The following PIKFYVE variants were observed in gnomAD, a reference collection of about 807,000 sequenced individuals.
PIKFYVE encodes 1-phosphatidylinositol 3-phosphate 5-kinase.
PIKFYVE carries 122 observed loss-of-function variants against 257.9 expected under a neutral mutation model. The observed-to-expected ratio is 0.47, with a 90% CI of 0.41 to 0.55. The LOEUF is 0.55. Among genes scored for constraint, PIKFYVE ranks in the 20% least tolerant of loss-of-function variants. The pLI is 0.00. For missense variants in PIKFYVE, 2,160 were observed against 2,536.6 expected (o/e 0.85, Z 3.19); for synonymous variants, 892 against 868.9 (o/e 1.03, Z -0.47).
chr2:208,279,983 C>T (rs1303322724), intron 5 of PIKFYVE, among the ~76,000 whole-genome samples: 1 of 152,204 alleles, frequency 6.6e-6, no homozygotes, highest in African/African-American at 2.4e-5. Context: ...GACAAGATTA[C>T]AGCTTTTAAA....
At chr2:208,328,692 G>A (rs577114093) in intron 21 of PIKFYVE, among the ~76,000 whole-genome samples, 108 of 152,236 alleles carry the variant, frequency 7.1e-4, no homozygotes, top group African/African-American at 1.8e-3. Context: ...CCTTGTACAC[G>A]TAGCCTGAAG....
rs753867180 is a variant in PIKFYVE, at chr2:208,301,061, A to G, written c.1175A>G (p.Asn392Ser). The stretch of plus-strand genomic sequence containing the variant: ...TGCATTGTAGGAAAGGAATTAGTCA[A>G]CTGGCTAATCCGAAATGGGCATATT... ...PNCIVGKELVNWLIRNGHIAT... is the reference protein window; with the variant it reads ...PNCIVGKELVSWLIRNGHIAT... The change falls in exon 9 of 42, where the codon AAC becomes AGC. Residue 392 changes from asparagine (N) to serine (S), a missense_variant. Coordinates refer to ENST00000264380, the MANE Select transcript of PIKFYVE (RefSeq NM_015040.4). 2.5e-6 allele frequency: 4 copies of G among 1,614,180 alleles called. No homozygotes were observed. Among genetic ancestry groups the G allele is most frequent in the Admixed American group, 3.3e-5 (2 of 60,032 alleles).
At chr2:208,337,122 AC>A (rs1447368892) in intron 28 of PIKFYVE, among the ~76,000 whole-genome samples, 194 bp downstream of exon 28, 1 of 152,186 alleles carries the variant, frequency 6.6e-6, no homozygotes, top group African/African-American at 2.4e-5. Flanking sequence ...TAAAATGATC[AC>A]TTATAATTTA....
intron 7 of PIKFYVE, among the ~76,000 whole-genome samples, chr2:208,292,041 CT>C (rs1421613860): frequency 6.6e-6 from 1 of 151,842 alleles, no homozygotes; most frequent in African/African-American, 2.4e-5. Context: ...TCTTTATATT[CT>C]TCTTTGACTC....
chr2:208,351,964 C>CA (rs556613626), intron 38 of PIKFYVE, among the ~76,000 whole-genome samples: 15 of 152,228 alleles, frequency 9.9e-5, no homozygotes, highest in African/African-American at 3.6e-4. Context: ...TGGCAGTTTT[C>CA]TCTGTGGTAA....
rs150593024 is a variant in PIKFYVE at position 208,338,529 on chromosome 2, C to G, written c.4633C>G (p.Pro1545Ala). Residue 1545 changes from proline (P) to alanine (A), a missense_variant, in exon 29 of 42, where the codon CCA becomes GCA. Pro to Ala is a conservative substitution (Grantham distance 27, BLOSUM62 -1). Coordinates refer to ENST00000264380, the MANE Select transcript of PIKFYVE (RefSeq NM_015040.4). The part of the protein sequence containing the change: ...ESKISAMDAS[P>A]RNISPGLQNG... ...ACAGATAAGTGCGATGGATGCATCT[C>G]CACGGAATATTTCTCCAGGACTTCA... is the stretch of plus-strand genomic sequence containing the variant. 7.7e-5 allele frequency: 124 copies of G among 1,613,366 alleles called. No homozygotes were observed. The African/African-American group carries it at 1.4e-3, about 18-fold the overall frequency.
intron 7 of PIKFYVE, among the ~76,000 whole-genome samples, chr2:208,291,182 C>T (rs1277806070): frequency 6.6e-6 from 1 of 151,976 alleles, no homozygotes; most frequent in Non-Finnish European, 1.5e-5. Flanking sequence ...TCCTCTATTC[C>T]TAGTTTACTG....
intron 17 of PIKFYVE, among the ~76,000 whole-genome samples, chr2:208,323,105 T>C (rs1559124006): frequency 6.6e-6 from 1 of 150,454 alleles, no homozygotes; most frequent in Non-Finnish European, 1.5e-5. Context: ...TATTTTTTAT[T>C]TTATTATTAT....
At chr2:208,312,741 C>A (rs1695066253) in intron 13 of PIKFYVE, among the ~76,000 whole-genome samples, 3 of 152,068 alleles carry the variant, frequency 2.0e-5, no homozygotes, top group Admixed American at 1.3e-4. Context: ...AGAACTAACT[C>A]TGATGATAAA....
intron 12 of PIKFYVE, among the ~76,000 whole-genome samples, chr2:208,308,398 C>G (rs1421140099): frequency 9.9e-5 from 2 of 20,178 alleles, no homozygotes; most frequent in Non-Finnish European, 4.8e-4. Context: ...GAGACTTTAT[C>G]TAAAAAAAAA....
In PIKFYVE at chr2:208,315,266, A is replaced by G. The variant is rs1695365768; in HGVS notation, c.1900A>G (p.Arg634Gly). Reference protein sequence around the residue: ...LHSDSLSSSWRDIIVSLVCQV... With the variant: ...LHSDSLSSSWGDIIVSLVCQV... ...TAGTGACTCACTGTCATCATCTTGG[A>G]GGGACATCATCGTGTCATTGGTCTG... Residue 634 changes from arginine to glycine, a missense_variant, in exon 15 of 42, where the codon AGG becomes GGG. Arg to Gly is a moderately radical substitution (Grantham distance 125). Coordinates refer to ENST00000264380, the MANE Select transcript of PIKFYVE (RefSeq NM_015040.4). 6.2e-7 allele frequency: 1 copy of G among 1,614,158 alleles called. No individual in the cohort carries two copies. The highest frequency in any genetic ancestry group is 8.5e-7 in the Non-Finnish European group (1 of 1,179,988).
At chr2:208,281,564 C>G (rs1690813582) in intron 5 of PIKFYVE, among the ~76,000 whole-genome samples, 1 of 152,136 alleles carries the variant, frequency 6.6e-6, no homozygotes, top group Non-Finnish European at 1.5e-5. Context: ...AGCTTGAGTT[C>G]CTTTATAGGT....
chr2:208,355,138 C>T, intron 41 of PIKFYVE, 52 bp from the exon 42 acceptor site: 4 of 1,394,034 alleles, frequency 2.9e-6, no homozygotes, highest in Non-Finnish European at 4.1e-6. Flanking sequence ...ACTTCAGTTG[C>T]CCAATCAATT....
chr2:208,304,219 T>C lies in PIKFYVE; in HGVS notation c.1369T>C (p.Ser457Pro), dbSNP rs1232547831. The change falls in exon 11 of 42, where the codon TCC (serine) becomes CCC (proline). Residue 457 changes from serine to proline, a missense_variant. By Grantham distance (74) the Ser-to-Pro change is moderately conservative. Coordinates refer to ENST00000264380, the MANE Select transcript of PIKFYVE (RefSeq NM_015040.4). ...TPSPDSDSVN[S>P]VEGHSEPSWF... ...TTCTCCCGACAGTGACTCAGTGAAC[T>C]CCGTGGAAGGACACTCTGAGCCATC... 1.2e-6 allele frequency: 2 copies of C among 1,614,122 alleles called. No individual in the cohort carries two copies. The highest frequency in any genetic ancestry group is 4.5e-5 in the East Asian group (2 of 44,870).
At position 208,351,492 on chromosome 2, in the gene PIKFYVE, G is replaced by C. The variant is rs777914576; in HGVS notation, c.5715+37G>C. 3.3e-6 allele frequency: 5 copies of C among 1,522,238 alleles called. No homozygotes were observed. The East Asian group carries it at 1.1e-4, about 34-fold the overall frequency. 94.3% of individuals were successfully genotyped at this position (1,522,238 alleles called of 1,614,324 possible). On this transcript the variant is annotated intron_variant, in intron 38 of 41. Coordinates refer to ENST00000264380, the MANE Select transcript of PIKFYVE (RefSeq NM_015040.4). Reference sequence around the variant, plus strand: ...AAACCATGGTCTGTAATCAAAGTTTGGTGGCTTTTTTCACATCCTGAATCT... The same window carrying C: ...AAACCATGGTCTGTAATCAAAGTTTCGTGGCTTTTTTCACATCCTGAATCT...
At chr2:208,344,998 T>C in intron 32 of PIKFYVE, 113 bp from the exon 33 acceptor site, 1 of 748,122 alleles carries the variant, frequency 1.3e-6, no homozygotes, top group Non-Finnish European at 2.3e-6. Flanking sequence ...TATTTAATTA[T>C]GGAAACGTAT....
chr2:208,321,486 G>A (rs1040500582), intron 17 of PIKFYVE, among the ~76,000 whole-genome samples: 1 of 151,470 alleles, frequency 6.6e-6, no homozygotes, highest in African/African-American at 2.4e-5. Flanking sequence ...TGTGCTATCA[G>A]TAAAAATGAT....
At chr2:208,277,823 G>A in intron 5 of PIKFYVE, 115 bp downstream of exon 5, 1 of 1,075,650 alleles carries the variant, frequency 9.3e-7, no homozygotes, top group Non-Finnish European at 1.4e-6. Flanking sequence ...TAAGACATGG[G>A]GACACAAAGG....
intron 1 of PIKFYVE, among the ~76,000 whole-genome samples, chr2:208,268,949 T>A (rs1335857043): frequency 6.6e-6 from 1 of 152,080 alleles, no homozygotes; most frequent in Non-Finnish European, 1.5e-5. Flanking sequence ...ACAAAAGTAA[T>A]TTTGATTTAG....
Sources: allele counts gnomAD v4.1 joint callset (sites outside exome capture counted in the v4.1 genomes callset), GRCh38; gene constraint gnomAD v4.1.1; transcripts MANE v1.5; gene names NCBI Gene and HGNC (gene_info 2026-07-23, HGNC 2026-07-21).